The following KIAA0825 variants were observed in gnomAD, a reference collection of about 807,000 sequenced individuals.
KIAA0825 encodes the protein KIAA0825.
In KIAA0825, 119 loss-of-function variants were observed where a neutral mutation model predicts 147.6. The ratio of observed to expected loss-of-function variants is 0.81; its 90% CI spans 0.69 to 0.94. The LOEUF is 0.94. Among genes scored for constraint, KIAA0825 ranks in the 40% least tolerant of loss-of-function variants. The pLI, the probability that KIAA0825 is intolerant of heterozygous loss-of-function variation, is 0.00. For synonymous variants in KIAA0825, 470 were observed against 518.1 expected (o/e 0.91, Z 1.26); for missense variants, 1,381 against 1,472.7 (o/e 0.94, Z 1.02).
At chr5:94,455,446 G>A (rs1758978617) in intron 12 of KIAA0825, among the ~76,000 whole-genome samples, 2 of 152,172 alleles carry the variant, frequency 1.3e-5, no homozygotes, top group East Asian at 3.9e-4. Flanking sequence ...AAGTCCAGTT[G>A]CAGTGCACTG....
chr5:94,493,786 C>T (rs1473163847), intron 5 of KIAA0825, among the ~76,000 whole-genome samples: 3 of 151,968 alleles, frequency 2.0e-5, no homozygotes, highest in African/African-American at 7.3e-5. Flanking sequence ...CCGCGCCTGG[C>T]CAATATCTGC....
chr5:94,560,710 T>C (rs1270918650), intron 2 of KIAA0825, among the ~76,000 whole-genome samples: 1 of 152,190 alleles, frequency 6.6e-6, no homozygotes. Context: ...GGTCACCAAA[T>C]GCTCTCAAAG....
At chr5:94,475,626 G>A (rs1011628245) in intron 7 of KIAA0825, among the ~76,000 whole-genome samples, 2 of 152,146 alleles carry the variant, frequency 1.3e-5, no homozygotes, top group Admixed American at 6.5e-5. Context: ...TGGCCAACAT[G>A]ATGAAACCCG....
intron 1 of KIAA0825, among the ~76,000 whole-genome samples, chr5:94,598,119 T>A (rs1010698128): frequency 1.3e-5 from 2 of 152,124 alleles, no homozygotes; most frequent in Non-Finnish European, 2.9e-5. Context: ...TAGCTTACTG[T>A]AACTTTTTTA....
chr5:94,426,041 T>TTATTATTAG (rs1754829593), intron 14 of KIAA0825, among the ~76,000 whole-genome samples: 1 of 150,044 alleles, frequency 6.7e-6, no homozygotes. Flanking sequence ...ATCATTATTA[T>TTATTATTAG]TATTATTATT....
intron 20 of KIAA0825, among the ~76,000 whole-genome samples, chr5:94,209,396 A>G (rs1044768742): frequency 3.9e-5 from 6 of 152,192 alleles, no homozygotes; most frequent in African/African-American, 1.2e-4. Context: ...GTAGTTTGCA[A>G]TGTTGGTATT....
intron 20 of KIAA0825, among the ~76,000 whole-genome samples, chr5:94,234,623 A>G (rs1423535007): frequency 6.6e-6 from 1 of 152,138 alleles, no homozygotes; most frequent in Admixed American, 6.5e-5. Context: ...TCATAGCAGA[A>G]GCAAAGGGGA....
At chr5:94,457,024 A>G (rs960984870) in intron 12 of KIAA0825, among the ~76,000 whole-genome samples, 1 of 152,212 alleles carries the variant, frequency 6.6e-6, no homozygotes, top group Non-Finnish European at 1.5e-5. Context: ...CTCCACTGAC[A>G]GTTTCTCAGT....
intron 20 of KIAA0825, among the ~76,000 whole-genome samples, chr5:94,204,034 G>A (rs989154217): frequency 2.6e-5 from 4 of 152,110 alleles, no homozygotes; most frequent in African/African-American, 9.7e-5. Flanking sequence ...AAACATTTGG[G>A]TAGATACATC....
intron 20 of KIAA0825, among the ~76,000 whole-genome samples, chr5:94,311,812 T>TA (rs1175370388): frequency 6.6e-6 from 1 of 151,742 alleles, no homozygotes; most frequent in African/African-American, 2.4e-5. Flanking sequence ...AGGGAGTTTT[T>TA]ATTTGCAGAT....
intron 20 of KIAA0825, among the ~76,000 whole-genome samples, chr5:94,381,429 A>G (rs1051269394): frequency 2.6e-5 from 4 of 152,228 alleles, no homozygotes; most frequent in Admixed American, 2.6e-4. Flanking sequence ...TTGCATGCCG[A>G]GTATTACATT....
At chr5:94,278,253 C>T (rs1777305514) in intron 20 of KIAA0825, among the ~76,000 whole-genome samples, 1 of 152,030 alleles carries the variant, frequency 6.6e-6, no homozygotes, top group Admixed American at 6.6e-5. Context: ...AAGTTCAGCA[C>T]ATGTATGCTA....
At chr5:94,526,755 G>A (rs1321002489) in intron 3 of KIAA0825, among the ~76,000 whole-genome samples, 1 of 151,922 alleles carries the variant, frequency 6.6e-6, no homozygotes, top group Non-Finnish European at 1.5e-5. Flanking sequence ...TATGTGGTAG[G>A]CATTGTGATA....
chr5:94,307,838 A>G (rs997726008), intron 20 of KIAA0825, among the ~76,000 whole-genome samples: 1 of 151,768 alleles, frequency 6.6e-6, no homozygotes, highest in Admixed American at 6.6e-5. Context: ...TCTTCCAAAG[A>G]TGGTAATATT....
intron 18 of KIAA0825, among the ~76,000 whole-genome samples, chr5:94,390,105 A>G (rs753241914): frequency 6.6e-6 from 1 of 152,242 alleles, no homozygotes; most frequent in Non-Finnish European, 1.5e-5. Context: ...TTGGCTTTCC[A>G]GAGTATAACC....
chr5:94,589,103 C>T (rs1324005665), intron 1 of KIAA0825, among the ~76,000 whole-genome samples: 1 of 152,072 alleles, frequency 6.6e-6, no homozygotes, highest in Non-Finnish European at 1.5e-5. Flanking sequence ...ACAGGTATAC[C>T]TATGCAACAA....
intron 13 of KIAA0825, among the ~76,000 whole-genome samples, chr5:94,451,868 A>G (rs1758457180): frequency 6.6e-6 from 1 of 152,230 alleles, no homozygotes; most frequent in African/African-American, 2.4e-5. Flanking sequence ...CAAATGACAC[A>G]GCTTGTTTGC....
At chr5:94,375,283 G>T (rs190351359) in intron 20 of KIAA0825, among the ~76,000 whole-genome samples, 1 of 151,790 alleles carries the variant, frequency 6.6e-6, no homozygotes, top group Non-Finnish European at 1.5e-5. Context: ...TGCCCACCTC[G>T]GCCTCCCAAA....
At chr5:94,440,358 A>G (rs1199237918) in intron 13 of KIAA0825, among the ~76,000 whole-genome samples, 2 of 152,176 alleles carry the variant, frequency 1.3e-5, no homozygotes, top group Non-Finnish European at 2.9e-5. Flanking sequence ...CTGATACAAA[A>G]TACCCATGCC....
Sources: gnomAD v4.1 joint callset for allele counts (sites outside exome capture counted in the v4.1 genomes callset) on GRCh38, gnomAD v4.1.1 for gene constraint, MANE v1.5 for transcripts, NCBI Gene and HGNC (gene_info 2026-07-23, HGNC 2026-07-21) for gene names.